PLXNA4: variants seen among roughly 807,000 people sequenced by gnomAD.
PLXNA4 encodes plexin-A4.
In PLXNA4, 44 loss-of-function variants were observed where a neutral mutation model predicts 191.8. That is an observed-to-expected ratio of 0.23 (90% CI 0.18 to 0.29). The LOEUF (loss-of-function observed/expected upper bound fraction) is 0.29. PLXNA4 is among the 10% of genes least tolerant of loss of function. The pLI is 1.00. For missense variants in PLXNA4, 1,800 were observed against 2,488.8 expected, an observed-to-expected ratio of 0.72 and a Z score of 5.89; for synonymous variants, 1,082 against 1,009.5, an observed-to-expected ratio of 1.07 and a Z score of -1.36.
At chr7:132,548,191 T>C (rs1563164704) in intron 1 of PLXNA4, among the ~76,000 whole-genome samples, 1 of 151,916 alleles carries the variant, frequency 6.6e-6, no homozygotes, top group African/African-American at 2.4e-5. Flanking sequence ...GTTTGGAGAG[T>C]CCTGCTTGTT....
In PLXNA4 at chr7:132,146,620, C is replaced by T; in HGVS notation, c.4945G>A (p.Val1649Ile). The change falls in exon 28 of 32, where the codon GTC (valine) becomes ATC (isoleucine). Residue 1649 changes from valine to isoleucine, a missense_variant. Around this residue, in one of 6 missense-constraint regions of PLXNA4, gnomAD observed 214 missense variants for 298.2 expected, o/e 0.72. Transcript: ENST00000321063. ...TTCTTCACTAGGTGCCACATCTTGA[C>T]TCCACTCTCCAGGTCAGGAGTGATC... ...PMITPDLESG[V>I]KMWHLVKNHE... 2 of 1,614,216 alleles carry T rather than the reference C, an allele frequency of 1.2e-6. No individual in the cohort carries two copies. Among genetic ancestry groups the T allele is most frequent in the African/African-American group, 1.3e-5 (1 of 75,050 alleles).
chr7:132,159,359 CCAGTGATTATTCCCCT>C (rs1795882680), intron 25 of PLXNA4, 98 bp downstream of exon 25: 1 of 1,502,146 alleles, frequency 6.7e-7, no homozygotes, highest in Non-Finnish European at 9.0e-7. Flanking sequence ...CTCCCTCCAG[CCAGTGATTATTCCCCT>C]CAGATCTCTA....
intron 2 of PLXNA4, among the ~76,000 whole-genome samples, chr7:132,596,326 G>A (rs1035509788): frequency 6.6e-6 from 1 of 152,142 alleles, no homozygotes; most frequent in Non-Finnish European, 1.5e-5. Context: ...GGATGTTCCT[G>A]TTCCAAGATC....
chr7:132,602,213 G>A (rs200369317), intron 2 of PLXNA4, among the ~76,000 whole-genome samples: 2 of 152,276 alleles, frequency 1.3e-5, no homozygotes, highest in East Asian at 3.9e-4. Flanking sequence ...AAAGACCACT[G>A]GACAAAAATA....
chr7:132,147,071 C>A (rs1795457130), intron 27 of PLXNA4, among the ~76,000 whole-genome samples: 1 of 152,206 alleles, frequency 6.6e-6, no homozygotes, highest in South Asian at 2.1e-4. Context: ...TAAGTACATA[C>A]TTAAGAGCAG....
intron 4 of PLXNA4, among the ~76,000 whole-genome samples, chr7:132,272,753 T>C (rs1013691166): frequency 6.6e-6 from 1 of 152,232 alleles, no homozygotes; most frequent in African/African-American, 2.4e-5. Flanking sequence ...AAGTTTCCTA[T>C]GACTTTGTAA....
chr7:132,522,080 C>T (rs1031590196), intron 1 of PLXNA4, among the ~76,000 whole-genome samples: 8 of 152,234 alleles, frequency 5.3e-5, no homozygotes, highest in South Asian at 2.1e-4. Context: ...GGGTCAGATC[C>T]ACTGCAAGAC....
At chr7:132,399,433 A>G (rs555699408) in intron 3 of PLXNA4, among the ~76,000 whole-genome samples, 4 of 152,364 alleles carry the variant, frequency 2.6e-5, no homozygotes, top group Admixed American at 2.6e-4. Context: ...AATGTGAATG[A>G]AAGACTCTGA....
intron 2 of PLXNA4, among the ~76,000 whole-genome samples, chr7:132,618,104 G>C (rs866772974): frequency 6.6e-6 from 1 of 152,190 alleles, no homozygotes; most frequent in Non-Finnish European, 1.5e-5. Flanking sequence ...GAATTGAGTC[G>C]TATGGCCAAA....
chr7:132,555,817 C>A (rs1214589939), intron 1 of PLXNA4, among the ~76,000 whole-genome samples: 1 of 152,216 alleles, frequency 6.6e-6, no homozygotes, highest in Non-Finnish European at 1.5e-5. Flanking sequence ...CTAACCAGGG[C>A]TGGTGACTTA....
chr7:132,557,456 G>A (rs150077583), intron 1 of PLXNA4, among the ~76,000 whole-genome samples: 3 of 149,322 alleles, frequency 2.0e-5, no homozygotes, highest in African/African-American at 7.7e-5. Context: ...ATGGCGGCAG[G>A]GGGGGACGTA....
intron 20 of PLXNA4, among the ~76,000 whole-genome samples, chr7:132,178,563 C>A (rs1014853327): frequency 6.6e-6 from 1 of 152,202 alleles, no homozygotes; most frequent in African/African-American, 2.4e-5. Context: ...CAGGGTGGGG[C>A]CTGCTTGGGT....
chr7:132,349,724 C>A (rs1803405657), intron 3 of PLXNA4, among the ~76,000 whole-genome samples: 2 of 152,136 alleles, frequency 1.3e-5, no homozygotes, highest in Admixed American at 1.3e-4. Context: ...CCCATGATAA[C>A]CCCTCTTATA....
chr7:132,368,697 G>T (rs561977312), intron 3 of PLXNA4, among the ~76,000 whole-genome samples: 1 of 152,204 alleles, frequency 6.6e-6, no homozygotes, highest in Non-Finnish European at 1.5e-5. Flanking sequence ...ATCAACAGTT[G>T]TAGATGAGGC....
At chr7:132,477,486 G>A (rs1797176296) in intron 3 of PLXNA4, among the ~76,000 whole-genome samples, 1 of 152,210 alleles carries the variant, frequency 6.6e-6, no homozygotes, top group South Asian at 2.1e-4. Flanking sequence ...AGCCAGCCCA[G>A]GGTGCACATG....
At chr7:132,607,572 G>T (rs1221124102) in intron 2 of PLXNA4, among the ~76,000 whole-genome samples, 1 of 152,232 alleles carries the variant, frequency 6.6e-6, no homozygotes, top group Non-Finnish European at 1.5e-5. Context: ...CCTTAATGGG[G>T]CCCCTTATGA....
At chr7:132,153,428 C>T (rs1795702583) in intron 25 of PLXNA4, among the ~76,000 whole-genome samples, 2 of 152,060 alleles carry the variant, frequency 1.3e-5, no homozygotes, top group African/African-American at 2.4e-5. Context: ...TGAGCCCTGT[C>T]GGGATGGCCA....
intron 3 of PLXNA4, among the ~76,000 whole-genome samples, chr7:132,326,842 C>T (rs1273308165): frequency 1.3e-5 from 2 of 151,694 alleles, no homozygotes; most frequent in African/African-American, 4.8e-5. Flanking sequence ...TCACTCCCCA[C>T]AGTGTCTGTG....
chr7:132,520,767 C>T (rs4728259), intron 1 of PLXNA4, among the ~76,000 whole-genome samples: 5,931 of 152,210 alleles, frequency 0.039, 295 homozygotes, highest in East Asian at 0.24. Context: ...CCACCCCCAC[C>T]AGCCCCTGTC....
Sources: allele counts gnomAD v4.1 joint callset (sites outside exome capture counted in the v4.1 genomes callset), GRCh38; gene constraint gnomAD v4.1.1; regional missense constraint gnomAD v4.1.1; transcripts MANE v1.5; gene names NCBI Gene and HGNC (gene_info 2026-07-23, HGNC 2026-07-21).